Variants in CALCOCO2 observed in about 807,000 individuals in gnomAD.
CALCOCO2 encodes calcium binding and coiled-coil domain 2.
CALCOCO2 carries 42 observed loss-of-function variants against 62.5 expected under a neutral mutation model. The observed-to-expected ratio is 0.67, with a 90% CI of 0.53 to 0.87. CALCOCO2 has a LOEUF of 0.87. CALCOCO2 is among the 40% of genes least tolerant of loss of function. The pLI is 0.00. For synonymous variants in CALCOCO2, 167 were observed against 173.0 expected (o/e 0.97, Z 0.27); for missense variants, 456 against 515.0 (o/e 0.89, Z 1.11).
At chr17:48,849,465 G>A in intron 5 of CALCOCO2, 88 bp downstream of exon 5, 1 of 1,152,354 alleles carries the variant, frequency 8.7e-7, no homozygotes, top group Admixed American at 2.1e-5. Flanking sequence ...TGTTTTGCCT[G>A]TGATCTCACC....
chr17:48,837,597 G>C (rs982095485), intron 1 of CALCOCO2, among the ~76,000 whole-genome samples: 2 of 152,066 alleles, frequency 1.3e-5, no homozygotes, highest in Middle Eastern at 3.4e-3. Flanking sequence ...AGTGAGCTGA[G>C]ATACCGCCAC....
rs1281378391 is a variant in CALCOCO2, at chr17:48,864,617, A to G, written c.*1612A>G. The G allele has an allele frequency of 6.6e-6, 1 of 152,458 alleles. No individual in the cohort carries two copies. The highest frequency in any genetic ancestry group is 2.4e-5 in the African/African-American group (1 of 41,468). 9.4% of individuals were successfully genotyped at this position (152,458 alleles called of 1,614,324 possible). A position where few individuals can be genotyped will look rare whatever the true frequency, so the allele number is the denominator to read the frequency against. ...AATGATGTGAAACACGATGTCATGA[A>G]TAAGGGTTGAGCCAACTATAGCTCT... On this transcript the variant is annotated 3_prime_UTR_variant, in exon 13 of 13. Coordinates refer to ENST00000258947, the MANE Select transcript of CALCOCO2 (RefSeq NM_005831.5).
chr17:48,834,821 G>T (rs964966551), intron 1 of CALCOCO2, among the ~76,000 whole-genome samples: 25 of 151,516 alleles, frequency 1.6e-4, no homozygotes, highest in African/African-American at 6.1e-4. Flanking sequence ...GCCAATGCGG[G>T]AGGATTGCTT....
intron 4 of CALCOCO2, 122 bp downstream of exon 4, chr17:48,848,577 T>A (rs749247544): frequency 9.7e-5 from 84 of 865,602 alleles, no homozygotes; most frequent in Non-Finnish European, 1.5e-4. Context: ...AAAAAATGTA[T>A]GTAGTACTCA....
intron 1 of CALCOCO2, among the ~76,000 whole-genome samples, chr17:48,832,986 T>C (rs576323960): frequency 6.6e-6 from 1 of 152,276 alleles, no homozygotes; most frequent in East Asian, 1.9e-4. Context: ...GGGTGTAAAA[T>C]TTTTGTAAGA....
At chr17:48,852,824 C>T in intron 8 of CALCOCO2, 102 bp from the exon 9 acceptor site, 1 of 1,011,228 alleles carries the variant, frequency 9.9e-7, no homozygotes, top group Non-Finnish European at 1.5e-6. Context: ...TTGCCTCTCC[C>T]TATGCATCCT....
At chr17:48,853,887 A>T (rs2143641856) in intron 9 of CALCOCO2, among the ~76,000 whole-genome samples, 1 of 152,312 alleles carries the variant, frequency 6.6e-6, no homozygotes, top group South Asian at 2.1e-4. Context: ...GTCCCTATAG[A>T]TTCTCCATCT....
intron 1 of CALCOCO2, among the ~76,000 whole-genome samples, chr17:48,832,702 C>T (rs2039832552): frequency 1.3e-5 from 2 of 152,208 alleles, no homozygotes; most frequent in Non-Finnish European, 2.9e-5. Context: ...ACTTCAAACA[C>T]TGTCACTGCC....
rs2040260138 is a variant in CALCOCO2 at position 48,858,044 on chromosome 17, GAAAATA to G, written c.1008+1858_1008+1863del. On this transcript the variant is annotated intron_variant, in intron 10 of 12. Coordinates refer to ENST00000258947, the MANE Select transcript of CALCOCO2 (RefSeq NM_005831.5). The stretch of plus-strand genomic sequence containing the variant: ...GAATAGAATAGAATAGAATAGAATA[GAAAATA>G]GAATAGAATAGAATAGAATAGAATT... Among the ~76,000 whole-genome samples the G allele has an allele frequency of 1.9e-4, 6 of 31,338 alleles. No homozygotes were observed. The South Asian group carries it at 3.1e-3, about 16-fold the overall frequency. The allele number at this position is 31,338 out of a possible 152,430, so 20.6% of individuals were successfully genotyped here. A position where few individuals can be genotyped will look rare whatever the true frequency, so the allele number is the denominator to read the frequency against.
chr17:48,838,805 A>T (rs1054210201), intron 1 of CALCOCO2, among the ~76,000 whole-genome samples: 2 of 152,168 alleles, frequency 1.3e-5, no homozygotes, highest in African/African-American at 4.8e-5. Flanking sequence ...GTAAGATATT[A>T]TATAGTATTT....
intron 1 of CALCOCO2, among the ~76,000 whole-genome samples, chr17:48,840,942 C>G (rs1216357811): frequency 6.6e-6 from 1 of 152,206 alleles, no homozygotes; most frequent in Non-Finnish European, 1.5e-5. Context: ...CATGCATCAA[C>G]TTTGTGTGAA....
intron 10 of CALCOCO2, among the ~76,000 whole-genome samples, chr17:48,858,074 T>TAGAA (rs1287542653): frequency 1.9e-4 from 27 of 145,114 alleles, no homozygotes; most frequent in Non-Finnish European, 3.1e-4. Flanking sequence ...TAGAATAGAA[T>TAGAA]TTTACCATCT....
In CALCOCO2 at chr17:48,851,191, A is replaced by G. The variant is rs769625643; in HGVS notation, c.632+14A>G. The stretch of plus-strand genomic sequence containing the variant: ...AGAGCTGCTTCAGTGAGTGCATCCC[A>G]TAATTCTGGGAGGGGAAGAGCTGCT... On this transcript the variant is annotated intron_variant, in intron 6 of 12. Transcript: ENST00000258947. The G allele has an allele frequency of 4.0e-6, 6 of 1,503,524 alleles. No homozygotes were observed. The South Asian group carries it at 4.5e-5, about 11-fold the overall frequency. 93.1% of individuals were successfully genotyped at this position (1,503,524 alleles called of 1,614,324 possible).
intron 10 of CALCOCO2, chr17:48,856,695 C>T (rs2040220250): frequency 2.3e-6 from 1 of 444,426 alleles, no homozygotes; most frequent in African/African-American, 2.0e-5. Flanking sequence ...ATCCAACCAA[C>T]ATTTATTATT....
In CALCOCO2 at chr17:48,859,893, G is replaced by A. The variant is rs549071214; in HGVS notation, c.1009-421G>A. Among the ~76,000 whole-genome samples, 26 of 152,236 alleles carry A rather than the reference G, an allele frequency of 1.7e-4. No homozygotes were observed. The East Asian group carries it at 2.7e-3, about 16-fold the overall frequency. On this transcript the variant is annotated intron_variant, in intron 10 of 12. Transcript: ENST00000258947. ...GCGGATCACTTGTGGTCAGGAGTTCGAGACCAGCCCGGCCAACATGGTGAA... is the reference window on the plus strand; with the variant it reads ...GCGGATCACTTGTGGTCAGGAGTTCAAGACCAGCCCGGCCAACATGGTGAA...
intron 1 of CALCOCO2, among the ~76,000 whole-genome samples, chr17:48,835,780 G>A (rs939015354): frequency 1.4e-5 from 2 of 147,780 alleles, no homozygotes; most frequent in African/African-American, 5.1e-5. Context: ...AGAGTTTTTT[G>A]CTCTTGTTGC....
intron 10 of CALCOCO2, among the ~76,000 whole-genome samples, chr17:48,858,059 T>TAGAATAGAATAG (rs2040267371): frequency 7.3e-6 from 1 of 136,898 alleles, no homozygotes; most frequent in African/African-American, 2.7e-5. Context: ...TAGAATAGAA[T>TAGAATAGAATAG]AGAATAGAAT....
chr17:48,854,451 G>A (rs1270736823), intron 9 of CALCOCO2, among the ~76,000 whole-genome samples: 1 of 89,682 alleles, frequency 1.1e-5, no homozygotes, highest in African/African-American at 4.4e-5. Context: ...TGTCACCCAG[G>A]TTGGAGTGCG....
intron 11 of CALCOCO2, 52 bp downstream of exon 11, chr17:48,860,501 C>G (rs2040312087): frequency 6.3e-7 from 1 of 1,575,564 alleles, no homozygotes; most frequent in South Asian, 1.1e-5. Flanking sequence ...CATCCCTTTC[C>G]CCTACTAAAT....
Sources: gnomAD v4.1 joint callset for allele counts (sites outside exome capture counted in the v4.1 genomes callset) on GRCh38, gnomAD v4.1.1 for gene constraint, MANE v1.5 for transcripts, NCBI Gene and HGNC (gene_info 2026-07-23, HGNC 2026-07-21) for gene names.